Variants in KLHL1 observed in about 807,000 individuals in gnomAD.
KLHL1 encodes kelch-like protein 1.
In KLHL1, 47 loss-of-function variants were observed where a neutral mutation model predicts 77.7. The ratio of observed to expected loss-of-function variants is 0.60; its 90% CI spans 0.48 to 0.77. KLHL1 has a LOEUF of 0.77. Ranked by LOEUF, KLHL1 falls within the 30% of genes least tolerant of loss-of-function variation. KLHL1 has a pLI of 0.00. For missense variants in KLHL1, 925 were observed against 910.8 expected, an observed-to-expected ratio of 1.02 and a Z score of -0.20; for synonymous variants, 360 against 325.2, an observed-to-expected ratio of 1.11 and a Z score of -1.15.
chr13:69,820,999 C>T (rs1044892491), intron 6 of KLHL1, among the ~76,000 whole-genome samples: 1 of 152,124 alleles, frequency 6.6e-6, no homozygotes, highest in African/African-American at 2.4e-5. Context: ...CTTGCAACCA[C>T]GTGACCACTG....
chr13:69,968,160 C>T (rs1884273826), intron 2 of KLHL1, among the ~76,000 whole-genome samples: 1 of 151,740 alleles, frequency 6.6e-6, no homozygotes, highest in African/African-American at 2.4e-5. Context: ...CCATCAACAG[C>T]GAGTTAAGAC....
intron 1 of KLHL1, among the ~76,000 whole-genome samples, chr13:70,058,545 A>T (rs1178562373): frequency 1.3e-5 from 2 of 152,208 alleles, no homozygotes; most frequent in Non-Finnish European, 2.9e-5. Context: ...TAAAGTATAG[A>T]TCAGACTATT....
chr13:70,086,656 A>C (rs1887551882), intron 1 of KLHL1, among the ~76,000 whole-genome samples: 1 of 147,602 alleles, frequency 6.8e-6, no homozygotes, highest in Admixed American at 6.8e-5. Context: ...AACAAGACTT[A>C]TTTATTTTGT....
At chr13:69,749,327 A>C (rs1344160361) in intron 7 of KLHL1, among the ~76,000 whole-genome samples, 1 of 152,020 alleles carries the variant, frequency 6.6e-6, no homozygotes, top group Non-Finnish European at 1.5e-5. Flanking sequence ...AATAGAAAGA[A>C]AAGAAACATC....
intron 1 of KLHL1, among the ~76,000 whole-genome samples, chr13:70,061,148 CACTT>C (rs757271130): frequency 1.1e-4 from 16 of 152,066 alleles, no homozygotes; most frequent in Non-Finnish European, 2.2e-4. Context: ...ATTCTCTACT[CACTT>C]AATGTTTTAA....
rs970529136 is a variant in KLHL1, at chr13:70,071,095, C to T, written c.497+36108G>A. Among the ~76,000 whole-genome samples the T allele has an allele frequency of 1.1e-4, 16 of 151,468 alleles. 1 individual carries two copies. The highest frequency in any genetic ancestry group is 3.3e-4 in the Admixed American group (5 of 15,188). ...CACTTTAAATATGAATATTCTAAAT[C>T]CAACAATTAAAAGCCAGAGACTCTG... On this transcript the variant is annotated intron_variant, in intron 1 of 10. Transcript: ENST00000377844.
chr13:69,956,585 C>T (rs2137263209), intron 3 of KLHL1, among the ~76,000 whole-genome samples: 2 of 151,502 alleles, frequency 1.3e-5, no homozygotes, highest in Admixed American at 1.3e-4. Flanking sequence ...AACTGATACC[C>T]TATAAAAGTA....
In KLHL1 at chr13:69,868,495, C is replaced by G. The variant is rs113110978; in HGVS notation, c.1227+13788G>C. On this transcript the variant is annotated intron_variant, in intron 5 of 10. Transcript: ENST00000377844. Reference sequence around the variant, plus strand: ...TATGTAATTATAAATTTAAATGAAACATTTATGGATTATTAAATTTTACTT... The same window carrying G: ...TATGTAATTATAAATTTAAATGAAAGATTTATGGATTATTAAATTTTACTT... 7.7e-3 allele frequency among the ~76,000 whole-genome samples: 1,172 copies of G among 152,004 alleles called. 26 individuals are homozygous for G. Among genetic ancestry groups the G allele is most frequent in the African/African-American group, 0.027 (1,127 of 41,492 alleles).
chr13:69,809,232 A>G (rs1464883413), intron 6 of KLHL1, among the ~76,000 whole-genome samples: 2 of 152,162 alleles, frequency 1.3e-5, no homozygotes, highest in African/African-American at 4.8e-5. Context: ...TACTAAGACT[A>G]TAAGTCCCAA....
At chr13:69,999,375 C>A (rs1373124124) in intron 1 of KLHL1, among the ~76,000 whole-genome samples, 2 of 151,980 alleles carry the variant, frequency 1.3e-5, no homozygotes, top group Non-Finnish European at 2.9e-5. Context: ...AAGATAAAAT[C>A]ATAGATCTGC....
chr13:69,946,913 T>C (rs1393538280), intron 3 of KLHL1, among the ~76,000 whole-genome samples: 1 of 152,108 alleles, frequency 6.6e-6, no homozygotes, highest in Admixed American at 6.6e-5. Context: ...TTGTGGGTTT[T>C]GTCATTACTT....
intron 4 of KLHL1, among the ~76,000 whole-genome samples, chr13:69,916,884 A>G (rs1452715767): frequency 6.6e-6 from 1 of 152,098 alleles, no homozygotes; most frequent in Non-Finnish European, 1.5e-5. Context: ...TTATCAGAAT[A>G]TTGGTATTTT....
At chr13:69,926,464 T>C (rs1042182090) in intron 4 of KLHL1, among the ~76,000 whole-genome samples, 4 of 152,146 alleles carry the variant, frequency 2.6e-5, no homozygotes, top group Non-Finnish European at 5.9e-5. Context: ...GATTTCCTCA[T>C]AAAACATCTC....
chr13:69,998,890 G>A (rs1486373138), intron 1 of KLHL1, among the ~76,000 whole-genome samples: 1 of 151,922 alleles, frequency 6.6e-6, no homozygotes, highest in Admixed American at 6.6e-5. Flanking sequence ...TAGAGCTGAG[G>A]ACTCTGGCTT....
chr13:70,042,772 T>C (rs541912834), intron 1 of KLHL1, among the ~76,000 whole-genome samples: 1 of 152,244 alleles, frequency 6.6e-6, no homozygotes, highest in African/African-American at 2.4e-5. Flanking sequence ...GGCAGGTCCT[T>C]TAGGAGGTAT....
chr13:69,717,324 C>G (rs540871702), intron 9 of KLHL1, among the ~76,000 whole-genome samples: 8 of 152,126 alleles, frequency 5.3e-5, no homozygotes, highest in African/African-American at 1.7e-4. Context: ...AGTTGCATAT[C>G]TTGATTTATT....
At position 69,791,400 on chromosome 13, in the gene KLHL1, C is replaced by A. The variant is rs145487050; in HGVS notation, c.1639+5338G>T. Among the ~76,000 whole-genome samples, 994 of 152,048 alleles carry A rather than the reference C, an allele frequency of 6.5e-3. 6 individuals are homozygous for A. The highest frequency in any genetic ancestry group is 0.011 in the Non-Finnish European group (754 of 67,976). ...TTCAATGCAATCAATATTTAAATCC[C>A]AGGTACCCTTTTGTAGAAATTGATA... On this transcript the variant is annotated intron_variant, in intron 7 of 10. Transcript: ENST00000377844.
intron 7 of KLHL1, among the ~76,000 whole-genome samples, chr13:69,789,844 A>ATTTG (rs1876777973): frequency 6.6e-6 from 1 of 152,146 alleles, no homozygotes; most frequent in African/African-American, 2.4e-5. Flanking sequence ...TTTGTTTTGT[A>ATTTG]TTTGTTTTGC....
At chr13:69,996,300 T>TA (rs201595052) in intron 1 of KLHL1, among the ~76,000 whole-genome samples, 9,443 of 151,624 alleles carry the variant, frequency 0.062, 330 homozygotes, top group Middle Eastern at 0.078. Context: ...AGACTCCGTT[T>TA]AAAAAAAATA....
Sources: allele counts gnomAD v4.1 joint callset (sites outside exome capture counted in the v4.1 genomes callset), GRCh38; gene constraint gnomAD v4.1.1; transcripts MANE v1.5; gene names NCBI Gene and HGNC (gene_info 2026-07-23, HGNC 2026-07-21).